The following AKR1E2 variants were observed in gnomAD, a reference collection of about 807,000 sequenced individuals.
AKR1E2 encodes aldo-keto reductase family 1 member E2, also known as 1,5-anhydro-D-fructose reductase.
Under a neutral mutation model 41.9 loss-of-function variants are expected in AKR1E2, and 43 were observed. The ratio of observed to expected loss-of-function variants is 1.03; its 90% CI spans 0.80 to 1.32. The LOEUF (loss-of-function observed/expected upper bound fraction) is 1.32. Ranked by LOEUF, AKR1E2 falls within the 40% of genes most tolerant of loss-of-function variation. AKR1E2 has a pLI of 0.00. For synonymous variants in AKR1E2, 121 were observed against 138.9 expected, an observed-to-expected ratio of 0.87 and a Z score of 0.91; for missense variants, 423 against 396.5, an observed-to-expected ratio of 1.07 and a Z score of -0.57.
At chr10:4,830,899 G>A (rs1832920727) in intron 2 of AKR1E2, 57 bp downstream of exon 2, 2 of 1,594,812 alleles carry the variant, frequency 1.3e-6, no homozygotes, top group African/African-American at 1.3e-5. Flanking sequence ...TCTCTGGAGG[G>A]CTTTCTACTT....
At chr10:4,848,408 G>A (rs1311541078), downstream of AKR1E2, among the ~76,000 whole-genome samples, 1 of 152,198 alleles carries the variant, frequency 6.6e-6, no homozygotes, top group Non-Finnish European at 1.5e-5. Flanking sequence ...GTGGGTTAAT[G>A]GACTTCCTGT....
chr10:4,847,635 C>T lies in AKR1E2; in HGVS notation c.*105C>T, dbSNP rs1157335943. ...AGCGCCAGGGCAGCTGTGCCTGGGA[C>T]AGGAGCCACACAGTCAGAGGGGGAT... On this transcript the variant is annotated 3_prime_UTR_variant, in exon 10 of 10. Transcript: ENST00000298375. 7.5e-6 allele frequency: 10 copies of T among 1,329,308 alleles called. No individual in the cohort carries two copies. Among genetic ancestry groups the T allele is most frequent in the Non-Finnish European group, 1.1e-5 (10 of 939,244 alleles). The allele number at this position is 1,329,308 out of a possible 1,614,324, so 82.3% of individuals were successfully genotyped here.
downstream of AKR1E2, among the ~76,000 whole-genome samples, chr10:4,851,744 C>T (rs561924457): frequency 5.3e-5 from 8 of 152,216 alleles, no homozygotes; most frequent in South Asian, 1.7e-3. Context: ...GTAAATTACC[C>T]GCAAATACCC....
At chr10:4,866,766 AAGCCAGTG>A in the AKR1E2 span, among the ~76,000 whole-genome samples, 1 of 143,870 alleles carries the variant, frequency 7.0e-6, no homozygotes, top group South Asian at 2.2e-4. Context: ...GGGTGGGGGG[AAGCCAGTG>A]AGCCAGGAGT....
chr10:4,852,873 A>G (rs1452743475), downstream of AKR1E2, among the ~76,000 whole-genome samples: 1 of 152,120 alleles, frequency 6.6e-6, no homozygotes, highest in Non-Finnish European at 1.5e-5. Context: ...GCCTCTCTCC[A>G]GGACTTTTCC....
In AKR1E2 at chr10:4,833,399, A is replaced by G. The variant is rs17133693; in HGVS notation, c.257A>G (p.Lys86Arg). Reference sequence around the variant, plus strand: ...TCCTTGGTGGAAACAGCATGCAGAAAGAGTCTCAAGGCCTTGAAGCTGAAC... The same window carrying G: ...TCCTTGGTGGAAACAGCATGCAGAAGGAGTCTCAAGGCCTTGAAGCTGAAC... Reference protein sequence around the residue: ...KKSLVETACRKSLKALKLNYL... With the variant: ...KKSLVETACRRSLKALKLNYL... Residue 86 changes from lysine (K) to arginine (R), a missense_variant, in exon 3 of 10, where the codon AAG becomes AGG. Lys to Arg is a conservative substitution (Grantham distance 26, BLOSUM62 2). Coordinates refer to ENST00000298375, the MANE Select transcript of AKR1E2 (RefSeq NM_001040177.3). 68,639 of 1,614,026 alleles carry G rather than the reference A, an allele frequency of 0.043. 1,816 individuals are homozygous for G. The highest frequency in any genetic ancestry group is 0.12 in the East Asian group (5,525 of 44,866).
chr10:4,867,741 C>T, the AKR1E2 span, among the ~76,000 whole-genome samples: 1 of 152,208 alleles, frequency 6.6e-6, no homozygotes. Context: ...CTCTGTGTAG[C>T]AGTGATAAGA....
chr10:4,831,141 T>G (rs1832938687), intron 2 of AKR1E2, among the ~76,000 whole-genome samples: 1 of 152,238 alleles, frequency 6.6e-6, no homozygotes, highest in Non-Finnish European at 1.5e-5. Flanking sequence ...CTAGCCCTCA[T>G]GAAGTCTGTT....
chr10:4,860,053 A>G, the AKR1E2 span, among the ~76,000 whole-genome samples: 8 of 152,190 alleles, frequency 5.3e-5, no homozygotes, highest in Non-Finnish European at 1.2e-4. Flanking sequence ...GTCAGCAAGT[A>G]TGACTGTCAG....
chr10:4,825,495 G>A (rs1832405087), upstream of AKR1E2, among the ~76,000 whole-genome samples: 1 of 152,150 alleles, frequency 6.6e-6, no homozygotes, highest in African/African-American at 2.4e-5. Flanking sequence ...GGGGCCCGAG[G>A]CTGCAAGCAA....
intron 3 of AKR1E2, 133 bp from the exon 4 acceptor site, chr10:4,835,542 T>A: frequency 8.8e-7 from 1 of 1,134,460 alleles, no homozygotes; most frequent in Non-Finnish European, 1.2e-6. Context: ...AGGTGAAGAC[T>A]GGGCCTGGTC....
chr10:4,837,689 G>T, intron 5 of AKR1E2, 108 bp downstream of exon 5: 1 of 1,491,266 alleles, frequency 6.7e-7, no homozygotes, highest in Non-Finnish European at 9.0e-7. Context: ...CACAAAACAG[G>T]CCTGTTCTCC....
chr10:4,848,545 T>C (rs926656523), downstream of AKR1E2, among the ~76,000 whole-genome samples: 43 of 152,316 alleles, frequency 2.8e-4, no homozygotes, highest in African/African-American at 1.0e-3. Context: ...TGGCTCCTAT[T>C]CAAAATGAGT....
intron 8 of AKR1E2, among the ~76,000 whole-genome samples, chr10:4,845,001 G>C (rs577542424): frequency 1.3e-5 from 2 of 152,314 alleles, no homozygotes; most frequent in East Asian, 3.9e-4. Context: ...CTGCAGAGGA[G>C]CCCACGGAGG....
chr10:4,830,767 G>C lies in AKR1E2; in HGVS notation c.132G>C (p.Arg44Ser). 6.2e-7 allele frequency: 1 copy of C among 1,614,116 alleles called. No individual in the cohort carries two copies. Among genetic ancestry groups the C allele is most frequent in the Non-Finnish European group, 8.5e-7 (1 of 1,180,028 alleles). The stretch of plus-strand genomic sequence containing the variant: ...GTGCTTACTTTTACCACAATGAGAG[G>C]GAGGTTGGAGCAGGGATCCGTTGCA... ...FDCAYFYHNEREVGAGIRCKI... is the reference protein window; with the variant it reads ...FDCAYFYHNESEVGAGIRCKI... The change falls in exon 2 of 10, where the codon AGG (arginine) becomes AGC (serine). Residue 44 changes from arginine (R) to serine (S), a missense_variant. By Grantham distance (110) the Arg-to-Ser change is moderately radical. Transcript: ENST00000298375.
At chr10:4,852,594 A>G (rs1298586533), downstream of AKR1E2, among the ~76,000 whole-genome samples, 2 of 145,380 alleles carry the variant, frequency 1.4e-5, no homozygotes, top group African/African-American at 5.0e-5. Flanking sequence ...GCAGGGACAG[A>G]CCTTCACCAC....
the AKR1E2 span, among the ~76,000 whole-genome samples, chr10:4,866,031 G>A: frequency 2.6e-5 from 4 of 152,146 alleles, no homozygotes; most frequent in Non-Finnish European, 5.9e-5. Context: ...GTAACTAGCA[G>A]TACCAAATCC....
the AKR1E2 span, among the ~76,000 whole-genome samples, chr10:4,862,706 G>A: frequency 3.3e-5 from 5 of 152,068 alleles, no homozygotes; most frequent in South Asian, 8.3e-4. Context: ...GTGAATGGGA[G>A]TTCACTCATG....
At chr10:4,855,851 C>A in the AKR1E2 span, among the ~76,000 whole-genome samples, 1 of 152,114 alleles carries the variant, frequency 6.6e-6, no homozygotes, top group African/African-American at 2.4e-5. Flanking sequence ...GCTTTAAGGG[C>A]ATAAACTGCT....
Sources: allele counts gnomAD v4.1 joint callset (sites outside exome capture counted in the v4.1 genomes callset), GRCh38; gene constraint gnomAD v4.1.1; transcripts MANE v1.5; gene names NCBI Gene and HGNC (gene_info 2026-07-23, HGNC 2026-07-21).